Variants in RGS18 observed in about 807,000 individuals in gnomAD.
The protein encoded by RGS18 is regulator of G protein signaling 18.
In RGS18, 22 loss-of-function variants were observed where a neutral mutation model predicts 27.6. The observed-to-expected ratio is 0.80, with a 90% CI of 0.57 to 1.14. The LOEUF is 1.14. RGS18 is among the 50% of genes most tolerant of loss of function. The pLI is 0.00. For missense variants in RGS18, 299 were observed against 269.6 expected, an observed-to-expected ratio of 1.11 and a Z score of -0.76; for synonymous variants, 89 against 84.6, an observed-to-expected ratio of 1.05 and a Z score of -0.29.
chr1:192,165,464 TC>T (rs1656148014), intron 3 of RGS18, among the ~76,000 whole-genome samples: 3 of 152,274 alleles, frequency 2.0e-5, no homozygotes, highest in South Asian at 2.1e-4. Flanking sequence ...GTTCGTACAC[TC>T]CCTCCCCTTT....
Position 192,161,951 on chromosome 1 carries a change from T to C in RGS18, c.283+1512T>C, listed in dbSNP as rs561018863. Among the ~76,000 whole-genome samples the C allele has an allele frequency of 3.3e-5, 5 of 152,336 alleles. No individual in the cohort carries two copies. In the South Asian group the frequency reaches 1.0e-3, roughly 32 times the overall value. On this transcript the variant is annotated intron_variant, in intron 3 of 4. Coordinates refer to ENST00000367460, the MANE Select transcript of RGS18 (RefSeq NM_130782.3). ...CTTCTGAATTTAGTGATATAAAAAT[T>C]CTATATCTGTAGATGATACCTGAAA...
intron 1 of RGS18, 63 bp downstream of exon 1, chr1:192,158,819 C>A: frequency 1.8e-6 from 2 of 1,112,750 alleles, no homozygotes; most frequent in South Asian, 1.5e-5. Flanking sequence ...GTTGAAGATT[C>A]ATTACCTCTT....
chr1:192,175,770 G>T (rs1208762651), intron 3 of RGS18, among the ~76,000 whole-genome samples: 6 of 151,852 alleles, frequency 4.0e-5, no homozygotes, highest in African/African-American at 1.5e-4. Context: ...TTATAAAGCA[G>T]ATTCACTCTG....
chr1:192,173,747 A>G (rs1656310588), intron 3 of RGS18, among the ~76,000 whole-genome samples: 1 of 151,508 alleles, frequency 6.6e-6, no homozygotes, highest in South Asian at 2.1e-4. Flanking sequence ...CATAATATTC[A>G]CTTGTTTGTA....
In RGS18 at chr1:192,181,330, T is replaced by C; in HGVS notation, c.322T>C (p.Phe108Leu). 1 of 1,569,776 alleles carries C rather than the reference T, an allele frequency of 6.4e-7. No individual in the cohort carries two copies. The highest frequency in any genetic ancestry group is 2.3e-5 in the East Asian group (1 of 43,728). ...EAFTRFLKTEFSEENIEFWIA... is the reference protein window; with the variant it reads ...EAFTRFLKTELSEENIEFWIA... ...TTTTACCAGATTTCTTAAAACTGAATTCAGTGAAGAAAATATTGAATTTTG... is the reference window on the plus strand; with the variant it reads ...TTTTACCAGATTTCTTAAAACTGAACTCAGTGAAGAAAATATTGAATTTTG... The change falls in exon 4 of 5, where the codon TTC becomes CTC. Residue 108 changes from phenylalanine to leucine, a missense_variant. Transcript: ENST00000367460.
intron 3 of RGS18, among the ~76,000 whole-genome samples, chr1:192,163,862 T>TAC (rs1656113790): frequency 2.8e-5 from 2 of 70,190 alleles, no homozygotes; most frequent in Non-Finnish European, 8.1e-5. Context: ...TGTGAATATA[T>TAC]ATATATATTT....
chr1:192,173,851 C>A (rs572506433), intron 3 of RGS18, among the ~76,000 whole-genome samples: 199 of 151,816 alleles, frequency 1.3e-3, no homozygotes, highest in Non-Finnish European at 1.1e-3. Flanking sequence ...TTAACAGAAC[C>A]AACTTTGGCT....
At chr1:192,181,258 C>T in intron 3 of RGS18, 34 bp from the exon 4 acceptor site, 3 of 1,167,588 alleles carry the variant, frequency 2.6e-6, no homozygotes, top group South Asian at 3.2e-5. Context: ...ACATTAATAC[C>T]ATTTTATAGT....
At chr1:192,170,927 T>A (rs924456494) in intron 3 of RGS18, among the ~76,000 whole-genome samples, 2 of 152,100 alleles carry the variant, frequency 1.3e-5, no homozygotes, top group African/African-American at 4.8e-5. Context: ...CAAGTCCAAG[T>A]TCTCAAATGC....
chr1:192,176,981 A>G (rs894350522), intron 3 of RGS18, among the ~76,000 whole-genome samples: 30 of 151,686 alleles, frequency 2.0e-4, no homozygotes, highest in African/African-American at 7.2e-4. Flanking sequence ...GAAGGACCCA[A>G]CTCTCAGTAG....
chr1:192,170,564 C>T (rs890493836), intron 3 of RGS18, among the ~76,000 whole-genome samples: 1 of 151,772 alleles, frequency 6.6e-6, no homozygotes, highest in Non-Finnish European at 1.5e-5. Flanking sequence ...TCAGGTATTC[C>T]TTTATAGCAA....
At chr1:192,179,881 A>T (rs1656421817) in intron 3 of RGS18, among the ~76,000 whole-genome samples, 1 of 151,594 alleles carries the variant, frequency 6.6e-6, no homozygotes, top group African/African-American at 2.4e-5. Flanking sequence ...TATCTTGATT[A>T]TATTAATTAA....
At position 192,184,638 on chromosome 1, in the gene RGS18, A is replaced by T. The variant is rs1656514991; in HGVS notation, c.*84A>T. 4 of 1,342,334 alleles carry T rather than the reference A, an allele frequency of 3.0e-6. No individual in the cohort carries two copies. The highest frequency in any genetic ancestry group is 4.1e-6 in the Non-Finnish European group (4 of 973,214). 83.2% of individuals were successfully genotyped at this position (1,342,334 alleles called of 1,614,324 possible). A position where few individuals can be genotyped will look rare whatever the true frequency, so the allele number is the denominator to read the frequency against. ...CATGTTTATGTTAAGATTTGGTCCC[A>T]TCCTTTAAACTGAAATATGTCATGT... On this transcript the variant is annotated 3_prime_UTR_variant, in exon 5 of 5. Coordinates refer to ENST00000367460, the MANE Select transcript of RGS18 (RefSeq NM_130782.3).
In RGS18 at chr1:192,184,297, G is replaced by A. The variant is rs867628312; in HGVS notation, c.451G>A (p.Val151Ile). 1 of 1,606,124 alleles carries A rather than the reference G, an allele frequency of 6.2e-7. No homozygotes were observed. The highest frequency in any genetic ancestry group is 8.5e-7 in the Non-Finnish European group (1 of 1,174,126). ...KFIQTDAPKE[V>I]NLDFHTKEVI... Reference sequence around the variant, plus strand: ...TCACACTTTTTTTCTGTTTATCCAGGTTAACCTTGATTTTCACACAAAAGA... The same window carrying A: ...TCACACTTTTTTTCTGTTTATCCAGATTAACCTTGATTTTCACACAAAAGA... The change falls in exon 5 of 5, where the codon GTT (valine) becomes ATT (isoleucine). Residue 151 changes from valine (V) to isoleucine (I), a missense_variant and splice_region_variant. By Grantham distance (29) the Val-to-Ile change is conservative (BLOSUM62 3). Coordinates refer to ENST00000367460, the MANE Select transcript of RGS18 (RefSeq NM_130782.3).
chr1:192,170,621 C>A (rs973997297), intron 3 of RGS18, among the ~76,000 whole-genome samples: 1 of 151,662 alleles, frequency 6.6e-6, no homozygotes, highest in Non-Finnish European at 1.5e-5. Context: ...GTCTTAGTCT[C>A]CTTATTTTAT....
At chr1:192,174,622 G>A (rs987369508) in intron 3 of RGS18, among the ~76,000 whole-genome samples, 1 of 151,754 alleles carries the variant, frequency 6.6e-6, no homozygotes. Flanking sequence ...GGATTGTTAT[G>A]TACTAGTAAT....
rs1176448618 is a variant in RGS18, at chr1:192,158,497, G to C, written c.-141G>C. Reference sequence around the variant, plus strand: ...TTCTGCAGAGACAGAAAGAAACGCAGCTCTTGACTTCTTTTTTGTAAACAT... The same window carrying C: ...TTCTGCAGAGACAGAAAGAAACGCACCTCTTGACTTCTTTTTTGTAAACAT... On this transcript the variant is annotated 5_prime_UTR_variant, in exon 1 of 5. Transcript: ENST00000367460. 2.9e-6 allele frequency: 2 copies of C among 695,046 alleles called. No homozygotes were observed. Among genetic ancestry groups the C allele is most frequent in the African/African-American group, 3.8e-5 (2 of 52,884 alleles). The allele number at this position is 695,046 out of a possible 1,614,324, so 43.1% of individuals were successfully genotyped here. A position where few individuals can be genotyped will look rare whatever the true frequency, so the allele number is the denominator to read the frequency against.
intron 3 of RGS18, among the ~76,000 whole-genome samples, chr1:192,176,965 T>A (rs1055729822): frequency 2.4e-4 from 37 of 151,740 alleles, no homozygotes; most frequent in Admixed American, 1.3e-4. Flanking sequence ...CTTGTTAGCA[T>A]GCCAGGAAGG....
chr1:192,182,672 C>T (rs1436940975), intron 4 of RGS18, among the ~76,000 whole-genome samples: 1 of 151,500 alleles, frequency 6.6e-6, no homozygotes, highest in African/African-American at 2.4e-5. Flanking sequence ...ATTAGAGTCA[C>T]TTTTCAGAGC....
Sources: allele counts gnomAD v4.1 joint callset (sites outside exome capture counted in the v4.1 genomes callset), GRCh38; gene constraint gnomAD v4.1.1; transcripts MANE v1.5; gene names NCBI Gene and HGNC (gene_info 2026-07-23, HGNC 2026-07-21).